Variants in CTNND2 observed in about 807,000 individuals in gnomAD.
CTNND2 encodes the protein catenin delta-2.
CTNND2 carries 22 observed loss-of-function variants against 144.4 expected under a neutral mutation model. That is an observed-to-expected ratio of 0.15 (90% CI 0.11 to 0.22). The LOEUF (loss-of-function observed/expected upper bound fraction) is 0.22, where lower values mean the gene tolerates loss of function less well. CTNND2 is among the 10% of genes least tolerant of loss of function. The pLI is 1.00. For missense variants in CTNND2, 1,353 were observed against 1,618.8 expected (o/e 0.84, Z 2.82); for synonymous variants, 751 against 695.6 (o/e 1.08, Z -1.25).
At chr5:11,160,079 G>GGAC (rs1352150771) in intron 11 of CTNND2, among the ~76,000 whole-genome samples, 6 of 152,190 alleles carry the variant, frequency 3.9e-5, no homozygotes, top group African/African-American at 1.4e-4. Context: ...GACCCAAATT[G>GGAC]CTAAATTCTA....
At chr5:11,811,466 A>G (rs1792329754) in intron 1 of CTNND2, among the ~76,000 whole-genome samples, 1 of 152,206 alleles carries the variant, frequency 6.6e-6, no homozygotes. Context: ...GTGTATGAAC[A>G]TAAATAAATC....
chr5:11,609,314 C>G (rs1165170795), intron 2 of CTNND2, among the ~76,000 whole-genome samples: 1 of 152,174 alleles, frequency 6.6e-6, no homozygotes, highest in African/African-American at 2.4e-5. Flanking sequence ...TCCACTAAAT[C>G]TGAGAGTGTT....
chr5:11,866,650 T>C (rs1387793118), intron 1 of CTNND2, among the ~76,000 whole-genome samples: 1 of 152,188 alleles, frequency 6.6e-6, no homozygotes, highest in East Asian at 1.9e-4. Flanking sequence ...GTGCTAAATG[T>C]TTTTCGTGGA....
intron 1 of CTNND2, among the ~76,000 whole-genome samples, chr5:11,846,132 T>C (rs1794724546): frequency 6.6e-6 from 1 of 152,102 alleles, no homozygotes; most frequent in South Asian, 2.1e-4. Context: ...AAACCAGAAA[T>C]AGGTATAAAA....
At chr5:11,475,815 AC>A (rs112805257) in intron 3 of CTNND2, among the ~76,000 whole-genome samples, 2,387 of 152,218 alleles carry the variant, frequency 0.016, 57 homozygotes, top group African/African-American at 0.055. Context: ...ATGGACTCTT[AC>A]CAGATGATTC....
At chr5:11,120,968 G>C (rs1754081468) in intron 12 of CTNND2, among the ~76,000 whole-genome samples, 1 of 152,174 alleles carries the variant, frequency 6.6e-6, no homozygotes, top group East Asian at 1.9e-4. Flanking sequence ...AGGGTTTCCT[G>C]TTCCTCCGTC....
intron 17 of CTNND2, among the ~76,000 whole-genome samples, chr5:11,019,801 C>T (rs1742045782): frequency 6.6e-6 from 1 of 152,164 alleles, no homozygotes; most frequent in African/African-American, 2.4e-5. Flanking sequence ...AATAGCTTTT[C>T]CGTCTTATGA....
rs186901606 is a variant in CTNND2 at position 11,458,444 on chromosome 5, T to G, written c.288-46375A>C. ...GGAAAACAGAAGCAGGAATGAGTTG[T>G]CCAAAGTCCATTTCTACATAAGCCT... On this transcript the variant is annotated intron_variant, in intron 3 of 21. Coordinates refer to ENST00000304623, the MANE Select transcript of CTNND2 (RefSeq NM_001332.4). Among the ~76,000 whole-genome samples the G allele has an allele frequency of 3.5e-4, 53 of 152,298 alleles. No homozygotes were observed. In the South Asian group the frequency reaches 8.7e-3, roughly 25 times the overall value.
chr5:11,426,398 C>T (rs1013769778), intron 3 of CTNND2, among the ~76,000 whole-genome samples: 4 of 152,172 alleles, frequency 2.6e-5, no homozygotes, highest in African/African-American at 7.2e-5. Context: ...ACTTAGAAGG[C>T]CCCATGCTTG....
At position 11,640,361 on chromosome 5, in the gene CTNND2, C is replaced by T. The variant is rs76088597; in HGVS notation, c.175-75305G>A. Reference sequence around the variant, plus strand: ...GCAAGGTTCACTGAATGAATAGAATCGCCTTGGTATGGACAGCTTTGCAAA... The same window carrying T: ...GCAAGGTTCACTGAATGAATAGAATTGCCTTGGTATGGACAGCTTTGCAAA... On this transcript the variant is annotated intron_variant, in intron 2 of 21. Coordinates refer to ENST00000304623, the MANE Select transcript of CTNND2 (RefSeq NM_001332.4). Among the ~76,000 whole-genome samples, 976 of 152,268 alleles carry T rather than the reference C, an allele frequency of 6.4e-3. 9 individuals carry two copies. Among genetic ancestry groups the T allele is most frequent in the African/African-American group, 0.02 (845 of 41,546 alleles).
intron 11 of CTNND2, 119 bp downstream of exon 11, chr5:11,199,329 G>T (rs1207631898): frequency 2.3e-6 from 2 of 855,432 alleles, no homozygotes; most frequent in Non-Finnish European, 3.7e-6. Flanking sequence ...AACACATATT[G>T]AGACCGCCTA....
At chr5:11,428,922 TTAAA>T (rs1763028969) in intron 3 of CTNND2, among the ~76,000 whole-genome samples, 1 of 152,232 alleles carries the variant, frequency 6.6e-6, no homozygotes, top group Non-Finnish European at 1.5e-5. Flanking sequence ...TATATTAATA[TTAAA>T]TACTTTAAGA....
intron 20 of CTNND2, among the ~76,000 whole-genome samples, chr5:10,983,303 T>A (rs67023563): frequency 1.6e-3 from 236 of 151,554 alleles, no homozygotes; most frequent in African/African-American, 3.7e-3. Flanking sequence ...AATTTTTTTT[T>A]AAAAAAGCTT....
chr5:11,698,806 T>A (rs1410579753), intron 2 of CTNND2, among the ~76,000 whole-genome samples: 1 of 152,018 alleles, frequency 6.6e-6, no homozygotes, highest in South Asian at 2.1e-4. Flanking sequence ...ATTGTCCAGT[T>A]CAATCCATTA....
At chr5:11,704,740 T>C (rs932225224) in intron 2 of CTNND2, among the ~76,000 whole-genome samples, 3 of 151,786 alleles carry the variant, frequency 2.0e-5, no homozygotes, top group African/African-American at 4.8e-5. Flanking sequence ...CCAACTATGA[T>C]ATAGCTGTCA....
chr5:11,273,279 C>A (rs978704344), intron 9 of CTNND2, among the ~76,000 whole-genome samples: 6 of 152,114 alleles, frequency 3.9e-5, no homozygotes, highest in African/African-American at 1.4e-4. Context: ...ATGTACCTGT[C>A]AAATCAGAGA....
intron 9 of CTNND2, among the ~76,000 whole-genome samples, chr5:11,268,994 ACT>A (rs1745734574): frequency 6.6e-6 from 1 of 152,212 alleles, no homozygotes; most frequent in Admixed American, 6.5e-5. Context: ...ATAAATGCTC[ACT>A]CTGTTCCTTT....
intron 2 of CTNND2, among the ~76,000 whole-genome samples, chr5:11,672,819 C>T (rs1783972829): frequency 6.6e-6 from 1 of 152,098 alleles, no homozygotes; most frequent in Non-Finnish European, 1.5e-5. Context: ...TTCCGTTCCT[C>T]CCAGTACAGT....
intron 1 of CTNND2, among the ~76,000 whole-genome samples, chr5:11,816,292 T>C (rs1250740099): frequency 6.6e-6 from 1 of 152,100 alleles, no homozygotes; most frequent in Non-Finnish European, 1.5e-5. Flanking sequence ...AAAAGAGAAC[T>C]GAGCTTGAAA....
Sources: allele counts gnomAD v4.1 joint callset (sites outside exome capture counted in the v4.1 genomes callset), GRCh38; gene constraint gnomAD v4.1.1; transcripts MANE v1.5; gene names NCBI Gene and HGNC (gene_info 2026-07-23, HGNC 2026-07-21).